The following ATP13A3 variants were observed in gnomAD, a reference collection of about 807,000 sequenced individuals.
ATP13A3 encodes the protein ATPase 13A3.
ATP13A3 carries 59 observed loss-of-function variants against 158.1 expected under a neutral mutation model. The observed-to-expected ratio is 0.37, with a 90% CI of 0.30 to 0.46. The LOEUF is 0.46. ATP13A3 is among the 20% of genes least tolerant of loss of function. ATP13A3 has a pLI of 1.00. For missense variants in ATP13A3, 1,166 were observed against 1,525.2 expected (o/e 0.76, Z 3.92); for synonymous variants, 491 against 504.3 (o/e 0.97, Z 0.35).
intron 8 of ATP13A3, 112 bp from the exon 9 acceptor site, chr3:194,454,504 A>G (rs1719054169): frequency 2.5e-6 from 3 of 1,194,620 alleles, no homozygotes; most frequent in East Asian, 5.0e-5. Flanking sequence ...GATAAGCTCC[A>G]TAGTATTCTA....
chr3:194,462,805 A>G (rs535883818), intron 2 of ATP13A3, among the ~76,000 whole-genome samples: 204 of 152,366 alleles, frequency 1.3e-3, no homozygotes, highest in Non-Finnish European at 2.7e-3. Flanking sequence ...TCAATGGGAT[A>G]CCAGTGCTTG....
intron 2 of ATP13A3, 137 bp from the exon 3 acceptor site, chr3:194,462,373 C>G: frequency 1.7e-6 from 1 of 588,934 alleles, no homozygotes; most frequent in Non-Finnish European, 3.0e-6. Context: ...CAGGGCCACA[C>G]AGTAGGAGGT....
chr3:194,425,698 A>G (rs1716718386), intron 29 of ATP13A3, among the ~76,000 whole-genome samples, 169 bp from the exon 30 acceptor site: 1 of 152,246 alleles, frequency 6.6e-6, no homozygotes, highest in Admixed American at 6.5e-5. Flanking sequence ...CAGGTACAAG[A>G]GTATGAAGGG....
intron 10 of ATP13A3, chr3:194,450,925 T>C (rs1718761280): frequency 6.6e-6 from 1 of 152,222 alleles, no homozygotes; most frequent in Non-Finnish European, 1.5e-5. Context: ...AAGTTGGTGT[T>C]TGAAAAAAAG....
intron 16 of ATP13A3, among the ~76,000 whole-genome samples, chr3:194,439,743 T>C (rs949644332): frequency 6.6e-6 from 1 of 152,170 alleles, no homozygotes; most frequent in Non-Finnish European, 1.5e-5. Flanking sequence ...TGTGAAACCA[T>C]TTCACGGATA....
upstream of ATP13A3, chr3:194,487,368 A>T (rs1287903499): frequency 2.0e-5 from 3 of 152,426 alleles, no homozygotes; most frequent in Admixed American, 2.0e-4. Flanking sequence ...CGTTGCCCAG[A>T]GTCATGGTCA....
chr3:194,422,114 T>C (rs765419827), intron 30 of ATP13A3, among the ~76,000 whole-genome samples: 23 of 152,088 alleles, frequency 1.5e-4, no homozygotes, highest in Non-Finnish European at 2.6e-4. Context: ...TGAATCTATC[T>C]TTGTTTAGCC....
chr3:194,493,625 A>G (rs1168563232), intron 2 of ATP13A3, among the ~76,000 whole-genome samples: 3 of 151,858 alleles, frequency 2.0e-5, no homozygotes, highest in Non-Finnish European at 2.9e-5. Context: ...CCAGCCTGGC[A>G]AGACTCCATC....
chr3:194,427,275 A>G (rs781283051), intron 28 of ATP13A3, 23 bp from the exon 29 acceptor site: 15 of 1,566,840 alleles, frequency 9.6e-6, no homozygotes, highest in South Asian at 2.4e-5. Context: ...GAAAAAGAGG[A>G]AAGGTTTGTA....
At chr3:194,449,672 G>A (rs992016676) in intron 11 of ATP13A3, among the ~76,000 whole-genome samples, 7 of 149,236 alleles carry the variant, frequency 4.7e-5, no homozygotes, top group Non-Finnish European at 1.0e-4. Flanking sequence ...ACAAGGCTCT[G>A]TCTCAAAACA....
At chr3:194,484,866 G>C (rs1424869782) in intron 2 of ATP13A3, among the ~76,000 whole-genome samples, 1 of 152,060 alleles carries the variant, frequency 6.6e-6, no homozygotes, top group Non-Finnish European at 1.5e-5. Context: ...GACCAGCCTG[G>C]CCAACGTGGT....
intron 2 of ATP13A3, among the ~76,000 whole-genome samples, chr3:194,475,310 T>A (rs917037921): frequency 1.3e-5 from 2 of 152,248 alleles, no homozygotes; most frequent in East Asian, 3.8e-4. Context: ...TTCCTCATGA[T>A]CTACATACAC....
intron 31 of ATP13A3, 77 bp from the exon 32 acceptor site, chr3:194,413,916 T>C: frequency 7.9e-7 from 1 of 1,271,612 alleles, no homozygotes; most frequent in Non-Finnish European, 1.1e-6. Flanking sequence ...AATTTCTAAA[T>C]TTATTGAATT....
rs1715493312 is a variant in ATP13A3, at chr3:194,412,233, CCTT to C, written c.3536_3538del (p.Gln1179_Gly1180delinsArg). ...CTGTGTGGTGCTGAACCGATACTCT[CCTT>C]GTTTGTCTCGGTTGAACACAACTTT... On this transcript the variant is annotated inframe_deletion, in exon 33 of 34. Coordinates refer to ENST00000645319, the MANE Select transcript of ATP13A3 (RefSeq NM_001367549.1). The C allele has an allele frequency of 3.3e-6, 5 of 1,536,274 alleles. No homozygotes were observed. The highest frequency in any genetic ancestry group is 4.9e-5 in the East Asian group (2 of 40,914).
intron 2 of ATP13A3, among the ~76,000 whole-genome samples, chr3:194,476,432 C>G (rs1720526136): frequency 1.3e-5 from 2 of 152,204 alleles, no homozygotes; most frequent in Admixed American, 6.5e-5. Context: ...TGCCCCACCA[C>G]CCAGCCACCA....
At chr3:194,429,221 G>C (rs1018556662) in intron 27 of ATP13A3, among the ~76,000 whole-genome samples, 7 of 152,086 alleles carry the variant, frequency 4.6e-5, no homozygotes, top group African/African-American at 1.7e-4. Flanking sequence ...TAGGTCAAGA[G>C]ATCGAGACCA....
intron 2 of ATP13A3, among the ~76,000 whole-genome samples, chr3:194,484,353 CT>C (rs770954018): frequency 6.6e-6 from 1 of 152,166 alleles, no homozygotes. Flanking sequence ...TTCTTTCCTT[CT>C]TCCATTCCAT....
At position 194,460,784 on chromosome 3, in the gene ATP13A3, A is replaced by G; in HGVS notation, c.99T>C (p.Ser33=). Residue 33 remains serine (S), a synonymous_variant, in exon 4 of 34, where the codon TCT becomes TCC. Coordinates refer to ENST00000645319, the MANE Select transcript of ATP13A3 (RefSeq NM_001367549.1). ...NLSRWKLAIV[S]LGVICSGGFL... is the part of the protein sequence containing the mutation. ...ACCCACCAGAGCAAATCACTCCTAA[A>G]GAAACTATGGCAAGCTTCCAGCGAC... 1.2e-6 allele frequency: 2 copies of G among 1,614,170 alleles called. No homozygotes were observed. The highest frequency in any genetic ancestry group is 1.7e-6 in the Non-Finnish European group (2 of 1,180,000).
At chr3:194,452,519 AGCC>A (rs1718883192) in intron 10 of ATP13A3, 1 of 152,210 alleles carries the variant, frequency 6.6e-6, no homozygotes. Flanking sequence ...TAATAATAAT[AGCC>A]TTCAATGGCT....
Sources: gnomAD v4.1 joint callset for allele counts (sites outside exome capture counted in the v4.1 genomes callset) on GRCh38, gnomAD v4.1.1 for gene constraint, MANE v1.5 for transcripts, NCBI Gene and HGNC (gene_info 2026-07-23, HGNC 2026-07-21) for gene names.